SOX5: variants seen among roughly 807,000 people sequenced by gnomAD.
The protein encoded by SOX5 is transcription factor SOX-5.
SOX5 carries 9 observed loss-of-function variants against 92.0 expected under a neutral mutation model. The observed-to-expected ratio is 0.10, with a 90% confidence interval of 0.06 to 0.17. SOX5 has a LOEUF of 0.17. SOX5 is among the 10% of genes least tolerant of loss of function. The pLI, the probability that SOX5 is intolerant of heterozygous loss-of-function variation, is 1.00. For synonymous variants in SOX5, 344 were observed against 336.3 expected, an observed-to-expected ratio of 1.02 and a Z score of -0.25; for missense variants, 642 against 944.5, an observed-to-expected ratio of 0.68 and a Z score of 4.20.
At chr12:23,873,857 AT>A (rs1334363928) in intron 2 of SOX5, among the ~76,000 whole-genome samples, 19 of 152,320 alleles carry the variant, frequency 1.2e-4, no homozygotes, top group African/African-American at 4.1e-4. Flanking sequence ...TTAACTGGTC[AT>A]TGTGCTATAA....
intron 1 of SOX5, among the ~76,000 whole-genome samples, chr12:24,491,067 TTTCC>T (rs1047904163): frequency 1.6e-5 from 2 of 122,820 alleles, no homozygotes; most frequent in Admixed American, 8.2e-5. Flanking sequence ...TCTTTCTTTC[TTTCC>T]TTCTTTCTTT....
At chr12:23,643,260 AAAC>A (rs1249820895) in intron 7 of SOX5, among the ~76,000 whole-genome samples, 3 of 152,170 alleles carry the variant, frequency 2.0e-5, no homozygotes, top group Non-Finnish European at 2.9e-5. Flanking sequence ...TTTTTCACTA[AAAC>A]AACTGATTGA....
chr12:24,282,798 C>A (rs1027509211), intron 2 of SOX5, among the ~76,000 whole-genome samples: 1 of 152,144 alleles, frequency 6.6e-6, no homozygotes, highest in African/African-American at 2.4e-5. Context: ...GGTCTTGACC[C>A]CATCTGAAGC....
chr12:23,604,728 A>T (rs1381190735), intron 8 of SOX5, among the ~76,000 whole-genome samples, 195 bp from the exon 9 acceptor site: 1 of 152,222 alleles, frequency 6.6e-6, no homozygotes, highest in African/African-American at 2.4e-5. Context: ...GATACTACAT[A>T]TAAGTGATCT....
chr12:23,794,965 A>G (rs2095537324), intron 3 of SOX5, among the ~76,000 whole-genome samples: 1 of 152,136 alleles, frequency 6.6e-6, no homozygotes, highest in African/African-American at 2.4e-5. Flanking sequence ...TAAAAATTTA[A>G]TAAATTTATT....
At chr12:23,633,448 GTAAA>G (rs2078814821) in intron 8 of SOX5, among the ~76,000 whole-genome samples, 1 of 151,984 alleles carries the variant, frequency 6.6e-6, no homozygotes, top group Non-Finnish European at 1.5e-5. Context: ...TTCGTTTTGT[GTAAA>G]TAGTGATATT....
chr12:23,535,708 A>G (rs914349577), intron 14 of SOX5, among the ~76,000 whole-genome samples: 7 of 152,238 alleles, frequency 4.6e-5, no homozygotes, highest in Non-Finnish European at 8.8e-5. Flanking sequence ...GGGACAGAGC[A>G]GATTTGGAAA....
chr12:23,534,500 C>A lies in SOX5; in HGVS notation c.2011G>T (p.Ala671Ser), dbSNP rs1378702815. ...NVGQQAQIPI[A>S]TAGVVYPGAI... The stretch of plus-strand genomic sequence containing the variant: ...CCAGGGTACACAACACCAGCAGTGG[C>A]AATGGGGATCTGTGCTTGTTGCCTG... Residue 671 changes from alanine to serine, a missense_variant, in exon 15 of 15, where the codon GCC becomes TCC. Physicochemically the swap from Ala to Ser is moderately conservative, Grantham distance 99. Transcript: ENST00000451604. 1.9e-6 allele frequency: 3 copies of A among 1,613,036 alleles called. No homozygotes were observed. Among genetic ancestry groups the A allele is most frequent in the Admixed American group, 3.3e-5 (2 of 59,994 alleles).
At chr12:24,422,443 G>A (rs1161609479) in intron 1 of SOX5, among the ~76,000 whole-genome samples, 7 of 152,152 alleles carry the variant, frequency 4.6e-5, no homozygotes, top group African/African-American at 1.7e-4. Flanking sequence ...CCCAGCCTGG[G>A]AGATCATGGA....
intron 8 of SOX5, among the ~76,000 whole-genome samples, chr12:23,612,756 T>C (rs2076117446): frequency 6.6e-6 from 1 of 152,154 alleles, no homozygotes; most frequent in South Asian, 2.1e-4. Context: ...GACGGAAAAG[T>C]ATTTGTTTAT....
intron 1 of SOX5, among the ~76,000 whole-genome samples, chr12:24,560,144 C>T (rs1954190017): frequency 6.6e-6 from 1 of 151,932 alleles, no homozygotes; most frequent in Admixed American, 6.5e-5. Context: ...TCTTCAGGAA[C>T]AAGGTTGTTA....
chr12:23,755,612 G>A (rs371523000), intron 4 of SOX5, 26 bp downstream of exon 4: 5 of 1,495,966 alleles, frequency 3.3e-6, no homozygotes, highest in African/African-American at 1.4e-5. Flanking sequence ...GGTACATTTT[G>A]GATAAAAACA....
intron 4 of SOX5, among the ~76,000 whole-genome samples, chr12:24,169,021 C>T (rs2139096222): frequency 6.6e-6 from 1 of 151,868 alleles, no homozygotes; most frequent in East Asian, 1.9e-4. Flanking sequence ...TGTAATGTAA[C>T]ATTTCCTAAG....
intron 4 of SOX5, among the ~76,000 whole-genome samples, chr12:24,178,779 T>G (rs893009199): frequency 6.6e-6 from 1 of 152,228 alleles, no homozygotes; most frequent in Non-Finnish European, 1.5e-5. Flanking sequence ...TAGAATGAAT[T>G]ATTTCTATTG....
chr12:23,988,525 T>G (rs1405223614), intron 4 of SOX5, among the ~76,000 whole-genome samples: 1 of 152,158 alleles, frequency 6.6e-6, no homozygotes, highest in African/African-American at 2.4e-5. Context: ...GCAAAAGTAT[T>G]TGAGAGTGAT....
At chr12:23,887,981 T>G (rs2097089554) in intron 2 of SOX5, among the ~76,000 whole-genome samples, 1 of 151,212 alleles carries the variant, frequency 6.6e-6, no homozygotes, top group African/African-American at 2.4e-5. Flanking sequence ...GTAGTTATTT[T>G]CAGTGGAAAC....
intron 2 of SOX5, among the ~76,000 whole-genome samples, chr12:24,316,983 A>C (rs1233687237): frequency 1.3e-5 from 2 of 152,264 alleles, no homozygotes; most frequent in East Asian, 1.9e-4. Flanking sequence ...AGAATCTCAT[A>C]ATCTCTAATT....
Position 24,393,138 on chromosome 12 carries a change from G to GA in SOX5, c.-250-24500dup, listed in dbSNP as rs201527066. 2.3e-3 allele frequency among the ~76,000 whole-genome samples: 341 copies of GA among 150,092 alleles called. 3 individuals carry two copies. Among genetic ancestry groups the GA allele is most frequent in the African/African-American group, 8.0e-3 (323 of 40,254 alleles). On this transcript the variant is annotated intron_variant, in intron 1 of 4. Coordinates refer to the SOX5 transcript ENST00000446891. This position sits in a 1 kb window ranked among gnomAD's most constrained non-coding sequence, Gnocchi z 5.0. ...AATGAATAAAGTAGATTGAAGCTAA[G>GA]AAAAAAAATACAGCAAAATTAGAAG...
At chr12:24,311,743 T>C (rs759205943) in intron 2 of SOX5, among the ~76,000 whole-genome samples, 7 of 152,164 alleles carry the variant, frequency 4.6e-5, no homozygotes, top group Non-Finnish European at 7.4e-5. Context: ...GCTGAAAAGG[T>C]TCCCATCAGA....
Sources: allele counts gnomAD v4.1 joint callset (sites outside exome capture counted in the v4.1 genomes callset), GRCh38; gene constraint gnomAD v4.1.1; non-coding constraint Gnocchi (gnomAD v3.1); transcripts MANE v1.5; gene names NCBI Gene and HGNC (gene_info 2026-07-23, HGNC 2026-07-21).